Variants in KCNN2 observed in about 807,000 individuals in gnomAD.
KCNN2 encodes small conductance calcium-activated potassium channel protein 2.
KCNN2 carries 24 observed loss-of-function variants against 55.5 expected under a neutral mutation model. The observed-to-expected ratio is 0.43, with a 90% CI of 0.31 to 0.61. KCNN2 has a LOEUF of 0.61. Among genes scored for constraint, KCNN2 ranks in the 20% least tolerant of loss-of-function variants. The pLI is 0.08. For missense variants in KCNN2, 754 were observed against 853.6 expected (o/e 0.88, Z 1.45); for synonymous variants, 431 against 336.1 (o/e 1.28, Z -3.09).
In KCNN2 at chr5:114,123,592, T is replaced by A. The variant is rs1037499741; in HGVS notation, c.-271+67092T>A. 7.6e-5 allele frequency among the ~76,000 whole-genome samples: 5 copies of A among 65,910 alleles called. 1 individual carries two copies. The highest frequency in any genetic ancestry group is 1.3e-4 in the Admixed American group (1 of 7,932). 43.2% of individuals were successfully genotyped at this position (65,910 alleles called of 152,430 possible). On this transcript the variant is annotated intron_variant, in intron 1 of 10. Transcript: ENST00000512097. ...GTTAGCCAGAATGGTCTCGATCTCC[T>A]GACCTCGTGATCCGCCCGCCTCGGC...
intron 1 of KCNN2, among the ~76,000 whole-genome samples, chr5:114,167,533 G>T (rs898580619): frequency 2.6e-5 from 4 of 151,982 alleles, no homozygotes; most frequent in Non-Finnish European, 5.9e-5. Flanking sequence ...TATTTTAGAA[G>T]AGTAGTTTAT....
chr5:114,062,711 G>A (rs1750358409), intron 1 of KCNN2, among the ~76,000 whole-genome samples: 1 of 152,076 alleles, frequency 6.6e-6, no homozygotes, highest in Admixed American at 6.6e-5. Flanking sequence ...TCCAATTCAT[G>A]CGTTATTATA....
At chr5:114,142,691 A>G (rs1752311046) in intron 1 of KCNN2, among the ~76,000 whole-genome samples, 1 of 152,156 alleles carries the variant, frequency 6.6e-6, no homozygotes, top group African/African-American at 2.4e-5. Context: ...GAGAACTACA[A>G]ACCACTGCTC....
intron 2 of KCNN2, among the ~76,000 whole-genome samples, chr5:114,352,909 TTTATACTGCTG>T (rs1158939817): frequency 6.6e-6 from 1 of 151,882 alleles, no homozygotes; most frequent in Non-Finnish European, 1.5e-5. Flanking sequence ...GTACAGTTGG[TTTATACTGCTG>T]TTAACATTTT....
At chr5:114,283,634 T>G (rs529320746) in intron 2 of KCNN2, among the ~76,000 whole-genome samples, 5 of 152,220 alleles carry the variant, frequency 3.3e-5, no homozygotes, top group Admixed American at 1.3e-4. Flanking sequence ...TTTGAGAAAT[T>G]ATTTGTAGGA....
At chr5:114,177,984 C>T (rs1462932650) in intron 1 of KCNN2, among the ~76,000 whole-genome samples, 1 of 152,088 alleles carries the variant, frequency 6.6e-6, no homozygotes, top group Non-Finnish European at 1.5e-5. Context: ...GTTTGAGTGC[C>T]TTGTAATTTT....
intron 2 of KCNN2, among the ~76,000 whole-genome samples, chr5:114,255,348 C>T (rs768474192): frequency 6.6e-6 from 1 of 152,198 alleles, no homozygotes; most frequent in Non-Finnish European, 1.5e-5. Flanking sequence ...TCATTTGACT[C>T]TTAGCAGAAA....
intron 1 of KCNN2, among the ~76,000 whole-genome samples, chr5:114,216,814 G>C (rs956058577): frequency 6.6e-6 from 1 of 152,024 alleles, no homozygotes; most frequent in East Asian, 1.9e-4. Context: ...AGATTGAGAA[G>C]ACAGAAATAA....
chr5:114,234,351 A>G (rs1754428580), intron 2 of KCNN2, among the ~76,000 whole-genome samples: 1 of 152,010 alleles, frequency 6.6e-6, no homozygotes, highest in Admixed American at 6.6e-5. Context: ...GCGATGGTAA[A>G]TTTTTCTTCT....
intron 1 of KCNN2, among the ~76,000 whole-genome samples, chr5:114,166,654 C>A (rs1752919143): frequency 6.6e-6 from 1 of 152,120 alleles, no homozygotes; most frequent in South Asian, 2.1e-4. Flanking sequence ...ATGTACCATG[C>A]TATAACAAAG....
chr5:114,285,898 G>A (rs1382135964), intron 2 of KCNN2, among the ~76,000 whole-genome samples: 2 of 148,394 alleles, frequency 1.3e-5, no homozygotes, highest in Non-Finnish European at 3.0e-5. Context: ...AGGTTCTGAG[G>A]CACCTACAAT....
At chr5:114,306,845 C>T (rs955112295) in intron 2 of KCNN2, among the ~76,000 whole-genome samples, 1 of 151,918 alleles carries the variant, frequency 6.6e-6, no homozygotes, top group Non-Finnish European at 1.5e-5. Context: ...GAACTACAGG[C>T]ACACACCATC....
chr5:114,374,994 G>A (rs1757890152), intron 2 of KCNN2, among the ~76,000 whole-genome samples: 1 of 152,108 alleles, frequency 6.6e-6, no homozygotes, highest in African/African-American at 2.4e-5. Context: ...GGGAAATTCT[G>A]TGCAATATTT....
intron 2 of KCNN2, among the ~76,000 whole-genome samples, chr5:114,388,597 T>C (rs934282080): frequency 2.0e-5 from 3 of 152,188 alleles, no homozygotes; most frequent in Non-Finnish European, 2.9e-5. Flanking sequence ...GCATGGTTAC[T>C]TGTTTCTTTC....
intron 3 of KCNN2, among the ~76,000 whole-genome samples, chr5:114,413,688 G>A (rs551485997): frequency 1.1e-4 from 17 of 152,302 alleles, no homozygotes; most frequent in African/African-American, 4.1e-4. Context: ...AAAGAATGCA[G>A]ATTGAAAATA....
chr5:114,404,905 C>A, intron 3 of KCNN2, 49 bp downstream of exon 3: 2 of 1,510,078 alleles, frequency 1.3e-6, no homozygotes, highest in South Asian at 1.3e-5. Context: ...GTGGTATCTT[C>A]ACAAGTAAGA....
intron 2 of KCNN2, among the ~76,000 whole-genome samples, chr5:114,287,436 A>G (rs1318435845): frequency 2.0e-5 from 3 of 152,190 alleles, no homozygotes; most frequent in African/African-American, 7.2e-5. Flanking sequence ...GGATGAGTTC[A>G]TGTCCTTTGC....
chr5:114,330,164 G>A (rs1756788868), intron 2 of KCNN2, among the ~76,000 whole-genome samples: 2 of 152,242 alleles, frequency 1.3e-5, no homozygotes, highest in Non-Finnish European at 2.9e-5. Flanking sequence ...ATGGAGGTGA[G>A]TTCCAGTATA....
intron 1 of KCNN2, among the ~76,000 whole-genome samples, chr5:114,214,585 G>A (rs546109981): frequency 6.6e-6 from 1 of 152,160 alleles, no homozygotes; most frequent in Admixed American, 6.5e-5. Flanking sequence ...TAGTAGCACT[G>A]GTGCTTGAAG....
Sources: gnomAD v4.1 joint callset for allele counts (sites outside exome capture counted in the v4.1 genomes callset) on GRCh38, gnomAD v4.1.1 for gene constraint, MANE v1.5 for transcripts, NCBI Gene and HGNC (gene_info 2026-07-23, HGNC 2026-07-21) for gene names.